Variants in SPMIP7 observed in about 807,000 individuals in gnomAD.
SPMIP7 encodes the protein protein SPMIP7.
At chr7:50,118,497 G>A in the SPMIP7 span, among the ~76,000 whole-genome samples, 1 of 152,282 alleles carries the variant, frequency 6.6e-6, no homozygotes, top group African/African-American at 2.4e-5. Flanking sequence ...CATTTTCAGT[G>A]GGATATCTGT....
At chr7:50,140,448 A>G in the SPMIP7 span, among the ~76,000 whole-genome samples, 2 of 152,178 alleles carry the variant, frequency 1.3e-5, no homozygotes, top group African/African-American at 4.8e-5. Context: ...TGTTTTTCCA[A>G]ATACATTACC....
the SPMIP7 span, among the ~76,000 whole-genome samples, chr7:50,114,047 G>T: frequency 6.6e-6 from 1 of 151,932 alleles, no homozygotes; most frequent in East Asian, 1.9e-4. Context: ...AATAAACTAA[G>T]AAGATATTAA....
At chr7:50,126,193 C>T in the SPMIP7 span, among the ~76,000 whole-genome samples, 1 of 150,110 alleles carries the variant, frequency 6.7e-6, no homozygotes. Flanking sequence ...TTAGACTGAT[C>T]GAGAAAAAGA....
the SPMIP7 span, among the ~76,000 whole-genome samples, chr7:50,147,364 C>T: frequency 1.3e-5 from 2 of 152,296 alleles, no homozygotes; most frequent in African/African-American, 2.4e-5. Flanking sequence ...TACCACTTGC[C>T]AGCTTGGTTG....
At chr7:50,104,914 T>G in the SPMIP7 span, among the ~76,000 whole-genome samples, 1 of 152,180 alleles carries the variant, frequency 6.6e-6, no homozygotes, top group Non-Finnish European at 1.5e-5. Context: ...TCCCACAATA[T>G]ATCACTGGAA....
the SPMIP7 span, among the ~76,000 whole-genome samples, chr7:50,138,496 T>C: frequency 3.2e-4 from 48 of 152,232 alleles, no homozygotes; most frequent in Admixed American, 3.0e-3. Context: ...TCTTTTGCTC[T>C]CTGGAATTTC....
chr7:50,145,629 T>C, the SPMIP7 span, among the ~76,000 whole-genome samples: 1 of 85,652 alleles, frequency 1.2e-5, no homozygotes, highest in South Asian at 4.0e-4. Context: ...TATATATATA[T>C]ATATATATAT....
the SPMIP7 span, among the ~76,000 whole-genome samples, chr7:50,144,319 T>C: frequency 2.2e-3 from 336 of 152,338 alleles, 2 homozygotes; most frequent in African/African-American, 7.7e-3. Flanking sequence ...GATTTCTTTT[T>C]AGACTCTTCC....
At chr7:50,105,553 C>A in the SPMIP7 span, among the ~76,000 whole-genome samples, 1 of 152,170 alleles carries the variant, frequency 6.6e-6, no homozygotes, top group East Asian at 1.9e-4. Flanking sequence ...ATATTAACAG[C>A]TGTACTATGG....
the SPMIP7 span, among the ~76,000 whole-genome samples, chr7:50,158,454 C>A: frequency 6.7e-6 from 1 of 150,306 alleles, no homozygotes; most frequent in Non-Finnish European, 1.5e-5. Flanking sequence ...GGGCCCCTCC[C>A]ACCGATGTCT....
chr7:50,142,142 C>G, the SPMIP7 span: 2 of 152,036 alleles, frequency 1.3e-5, no homozygotes, highest in East Asian at 3.9e-4. Context: ...ATCATTGCTA[C>G]TACACATAAT....
chr7:50,098,495 T>C, the SPMIP7 span, among the ~76,000 whole-genome samples: 1 of 152,188 alleles, frequency 6.6e-6, no homozygotes, highest in Non-Finnish European at 1.5e-5. Flanking sequence ...TCTATCTTTT[T>C]TTAAACCATT....
the SPMIP7 span, among the ~76,000 whole-genome samples, chr7:50,130,305 G>A: frequency 6.6e-6 from 1 of 152,100 alleles, no homozygotes; most frequent in Non-Finnish European, 1.5e-5. Flanking sequence ...GGCTGGGGAG[G>A]CCTCACAATC....
the SPMIP7 span, among the ~76,000 whole-genome samples, chr7:50,130,033 G>A: frequency 6.6e-6 from 1 of 152,020 alleles, no homozygotes; most frequent in African/African-American, 2.4e-5. Context: ...GGGAGTGGGG[G>A]GATAAGAGTA....
the SPMIP7 span, chr7:50,096,099 T>C: frequency 5.4e-6 from 8 of 1,484,398 alleles, no homozygotes; most frequent in East Asian, 9.9e-5. Context: ...GATGTAGAAA[T>C]TCAGGACACA....
the SPMIP7 span, among the ~76,000 whole-genome samples, chr7:50,122,075 T>A: frequency 3.3e-5 from 5 of 151,998 alleles, no homozygotes; most frequent in Admixed American, 3.3e-4. Context: ...TGAGGGAAAT[T>A]TATTGCCAAC....
chr7:50,140,569 T>C, the SPMIP7 span, among the ~76,000 whole-genome samples: 2 of 152,208 alleles, frequency 1.3e-5, no homozygotes, highest in Admixed American at 1.3e-4. Context: ...AAATATCACC[T>C]CTTAATTTCT....
chr7:50,131,534 A>G, the SPMIP7 span, among the ~76,000 whole-genome samples: 1 of 152,154 alleles, frequency 6.6e-6, no homozygotes, highest in Non-Finnish European at 1.5e-5. Context: ...CTGAATGAGA[A>G]CACTAAAGGT....
chr7:50,096,693 T>C, the SPMIP7 span: 2 of 1,335,504 alleles, frequency 1.5e-6, no homozygotes, highest in Non-Finnish European at 9.9e-7. Context: ...GAAGAGAGTA[T>C]GGACATAAGA....
Sources: allele counts gnomAD v4.1 joint callset (sites outside exome capture counted in the v4.1 genomes callset), GRCh38; gene constraint gnomAD v4.1.1; transcripts MANE v1.5; gene names NCBI Gene and HGNC (gene_info 2026-07-23, HGNC 2026-07-21).